Variants in ZNF284 observed in about 807,000 individuals in gnomAD.
ZNF284 encodes zinc finger protein 284.
ZNF284 carries 12 observed loss-of-function variants against 12.9 expected under a neutral mutation model. That is an observed-to-expected ratio of 0.93 (90% CI 0.60 to 1.51). The LOEUF is 1.51. Among genes scored for constraint, ZNF284 ranks in the 40% most tolerant of loss-of-function variants. ZNF284 has a pLI of 0.00. For synonymous variants in ZNF284, 225 were observed against 236.5 expected, an observed-to-expected ratio of 0.95 and a Z score of 0.45; for missense variants, 667 against 707.3, an observed-to-expected ratio of 0.94 and a Z score of 0.65.
chr19:44,078,392 C>T (rs1301780351), intron 2 of ZNF284, among the ~76,000 whole-genome samples: 3 of 152,158 alleles, frequency 2.0e-5, no homozygotes, highest in African/African-American at 4.8e-5. Flanking sequence ...TGAGATCTGA[C>T]ATATATGATC....
At chr19:44,081,432 C>A (rs916499844) in intron 3 of ZNF284, among the ~76,000 whole-genome samples, 9 of 152,050 alleles carry the variant, frequency 5.9e-5, no homozygotes, top group African/African-American at 9.7e-5. Context: ...TCAGATAGGG[C>A]CGGGCGCGGT....
At position 44,086,296 on chromosome 19, in the gene ZNF284, A is replaced by AGCTTCGGGAATT. The variant is rs1267052460; in HGVS notation, c.828_829insTTGCTTCGGGAA (p.Glu276_His277insLeuLeuArgGlu). The AGCTTCGGGAATT allele has an allele frequency of 6.2e-7, 1 of 1,614,204 alleles. No individual in the cohort carries two copies. The highest frequency in any genetic ancestry group is 2.2e-5 in the East Asian group (1 of 44,882). On this transcript the variant is annotated inframe_insertion, in exon 5 of 5. Transcript: ENST00000421176. ...GGGAAGGCCTTCATTCACAATTCCC[A>AGCTTCGGGAATT]GCTTCGGGAACATCAAAGAATCCAT...
rs755231752 is a variant in ZNF284, at chr19:44,086,586, C to T, written c.1108C>T (p.Pro370Ser). Residue 370 changes from proline (P) to serine (S), a missense_variant, in exon 5 of 5, where the codon CCA becomes TCA. Coordinates refer to ENST00000421176, the MANE Select transcript of ZNF284 (RefSeq NM_001037813.4). ...KHQMDHTGDK[P>S]YNCNVCGKGF... Reference sequence around the variant, plus strand: ...TCAGATGGACCATACAGGAGACAAACCATATAATTGTAATGTATGTGGGAA... The same window carrying T: ...TCAGATGGACCATACAGGAGACAAATCATATAATTGTAATGTATGTGGGAA... The T allele has an allele frequency of 2.5e-6, 4 of 1,614,128 alleles. No individual in the cohort carries two copies. The South Asian group carries it at 3.3e-5, about 13-fold the overall frequency.
intron 4 of ZNF284, among the ~76,000 whole-genome samples, 197 bp from the exon 5 acceptor site, chr19:44,085,517 T>C (rs1967216577): frequency 6.6e-6 from 1 of 152,182 alleles, no homozygotes; most frequent in Admixed American, 6.6e-5. Context: ...AATTAAGTCT[T>C]TCATTTCTAC....
At chr19:44,074,869 G>A (rs952180170) in intron 1 of ZNF284, among the ~76,000 whole-genome samples, 5 of 151,924 alleles carry the variant, frequency 3.3e-5, no homozygotes, top group East Asian at 3.9e-4. Context: ...TTGAGGGGGC[G>A]TGCGCCTGTA....
intron 2 of ZNF284, among the ~76,000 whole-genome samples, chr19:44,079,937 G>A (rs1967095030): frequency 6.6e-6 from 1 of 151,902 alleles, no homozygotes; most frequent in African/African-American, 2.4e-5. Flanking sequence ...TCAAAAAAAA[G>A]ACAAAAAGGT....
chr19:44,083,474 T>TATATATATATAGAGAGAGAGAGAG (rs746837013), intron 4 of ZNF284, among the ~76,000 whole-genome samples: 3 of 64,924 alleles, frequency 4.6e-5, no homozygotes, highest in African/African-American at 1.5e-4. Context: ...TATATATATA[T>TATATATATATAGAGAGAGAGAGAG]AGAGAGAGAG....
chr19:44,072,927 T>C (rs4410194), intron 1 of ZNF284, among the ~76,000 whole-genome samples: 1 of 152,248 alleles, frequency 6.6e-6, no homozygotes, highest in African/African-American at 2.4e-5. Context: ...ACTTCTTGGC[T>C]ACTGAGGGCA....
At chr19:44,077,535 CTT>C (rs763788955) in intron 2 of ZNF284, among the ~76,000 whole-genome samples, 1 of 76,232 alleles carries the variant, frequency 1.3e-5, no homozygotes, top group Non-Finnish European at 2.8e-5. Context: ...ATTTTTCTGT[CTT>C]TTTTTTTTTT....
At chr19:44,083,474 T>TATATATAGAGAG (rs746837013) in intron 4 of ZNF284, among the ~76,000 whole-genome samples, 14 of 64,926 alleles carry the variant, frequency 2.2e-4, no homozygotes, top group African/African-American at 6.9e-4. Flanking sequence ...TATATATATA[T>TATATATAGAGAG]AGAGAGAGAG....
chr19:44,078,014 G>A (rs577394289), intron 2 of ZNF284, among the ~76,000 whole-genome samples: 15 of 152,286 alleles, frequency 9.8e-5, no homozygotes, highest in African/African-American at 3.4e-4. Flanking sequence ...TAATGGCAAA[G>A]ATGGCTTATA....
intron 3 of ZNF284, 110 bp downstream of exon 3, chr19:44,081,251 C>CT: frequency 3.1e-6 from 4 of 1,281,214 alleles, no homozygotes; most frequent in Non-Finnish European, 4.2e-6. Flanking sequence ...ATACCCAAGA[C>CT]TGGGTAATTT....
rs896185032 is a variant in ZNF284 at position 44,087,376 on chromosome 19, T to C, written c.*116T>C. ...TCCTTTATCATTTATTTGTGGATCA[T>C]TTATCATTTCTTTGTGCTTTGAACG... On this transcript the variant is annotated 3_prime_UTR_variant, in exon 5 of 5. Coordinates refer to ENST00000421176, the MANE Select transcript of ZNF284 (RefSeq NM_001037813.4). 4.6e-6 allele frequency: 4 copies of C among 864,342 alleles called. No homozygotes were observed. The highest frequency in any genetic ancestry group is 5.0e-6 in the Non-Finnish European group (3 of 600,162). The allele number at this position is 864,342 out of a possible 1,614,324, so 53.5% of individuals were successfully genotyped here.
chr19:44,075,052 C>T lies in ZNF284; in HGVS notation c.-68-1270C>T, dbSNP rs986027945. Among the ~76,000 whole-genome samples the T allele has an allele frequency of 1.8e-4, 28 of 152,076 alleles. 2 individuals carry two copies. Among genetic ancestry groups the T allele is most frequent in the Non-Finnish European group, 1.5e-5 (1 of 68,020 alleles). ...TAATATTGTTATCTATTACATATCACATCTGTTAAAAAGCTAATAATAGTA... is the reference window on the plus strand; with the variant it reads ...TAATATTGTTATCTATTACATATCATATCTGTTAAAAAGCTAATAATAGTA... On this transcript the variant is annotated intron_variant, in intron 1 of 4. Transcript: ENST00000421176.
Position 44,086,053 on chromosome 19 carries a change from T to C in ZNF284, c.575T>C (p.Leu192Pro), listed in dbSNP as rs763323447. The C allele has an allele frequency of 6.2e-7, 1 of 1,614,194 alleles. No homozygotes were observed. Among genetic ancestry groups the C allele is most frequent in the South Asian group, 1.1e-5 (1 of 91,090 alleles). The change falls in exon 5 of 5, where the codon CTT (leucine) becomes CCT (proline). Residue 192 changes from leucine to proline, a missense_variant. Leu to Pro is a moderately conservative substitution (Grantham distance 98). Coordinates refer to ENST00000421176, the MANE Select transcript of ZNF284 (RefSeq NM_001037813.4). The part of the protein sequence containing the change: ...KRFCYSSALC[L>P]HQKVHMGEKR... ...TTCTGTTATAGCTCAGCTCTTTGTC[T>C]TCATCAGAAAGTTCACATGGGAGAG...
chr19:44,081,947 G>T, intron 3 of ZNF284, 66 bp from the exon 4 acceptor site: 1 of 1,345,360 alleles, frequency 7.4e-7, no homozygotes, highest in Admixed American at 1.8e-5. Flanking sequence ...TGTGCAGTGA[G>T]AACCTAAATT....
Position 44,076,350 on chromosome 19 carries a change from T to C in ZNF284, c.-40T>C, listed in dbSNP as rs373233600. 4 of 1,603,306 alleles carry C rather than the reference T, an allele frequency of 2.5e-6. No homozygotes were observed. The highest frequency in any genetic ancestry group is 2.6e-6 in the Non-Finnish European group (3 of 1,173,676). On this transcript the variant is annotated 5_prime_UTR_variant, in exon 2 of 5. Coordinates refer to ENST00000421176, the MANE Select transcript of ZNF284 (RefSeq NM_001037813.4). ...CAATTCTGTCTTCTCTTGAACTGCA[T>C]AACTGAGAACTCTGCAAATTCCCCA...
rs776571445 is a variant in ZNF284, at chr19:44,085,816, G to C, written c.338G>C (p.Arg113Thr). The C allele has an allele frequency of 1.2e-6, 2 of 1,611,996 alleles. No individual in the cohort carries two copies. Among genetic ancestry groups the C allele is most frequent in the East Asian group, 4.5e-5 (2 of 44,820 alleles). ...IWEQTASELT[R>T]PQDSISSSQF... ...GAACAAACTGCAAGTGAGTTAACTA[G>C]ACCTCAAGACTCCATAAGTAGCTCT... The change falls in exon 5 of 5, where the codon AGA becomes ACA. Residue 113 changes from arginine (R) to threonine (T), a missense_variant. Arg to Thr is a moderately conservative substitution (Grantham distance 71, BLOSUM62 -1). Coordinates refer to ENST00000421176, the MANE Select transcript of ZNF284 (RefSeq NM_001037813.4).
intron 2 of ZNF284, among the ~76,000 whole-genome samples, chr19:44,080,035 T>C (rs1967096409): frequency 6.6e-6 from 1 of 152,200 alleles, no homozygotes; most frequent in African/African-American, 2.4e-5. Flanking sequence ...TGGAGAAAAC[T>C]GATGTGACAG....
Sources: allele counts gnomAD v4.1 joint callset (sites outside exome capture counted in the v4.1 genomes callset), GRCh38; gene constraint gnomAD v4.1.1; transcripts MANE v1.5; gene names NCBI Gene and HGNC (gene_info 2026-07-23, HGNC 2026-07-21).